Variants in CNTNAP2 observed in about 807,000 individuals in gnomAD.
CNTNAP2 encodes the protein contactin-associated protein-like 2.
CNTNAP2 carries 98 observed loss-of-function variants against 155.2 expected under a neutral mutation model. The ratio of observed to expected loss-of-function variants is 0.63; its 90% CI spans 0.54 to 0.75. The LOEUF (loss-of-function observed/expected upper bound fraction) is 0.75. CNTNAP2 is among the 30% of genes least tolerant of loss of function. CNTNAP2 has a pLI of 0.00. For synonymous variants in CNTNAP2, 651 were observed against 631.2 expected (o/e 1.03, Z -0.47); for missense variants, 1,727 against 1,688.1 (o/e 1.02, Z -0.40).
chr7:147,979,573 T>C (rs1801486833), intron 15 of CNTNAP2, among the ~76,000 whole-genome samples: 1 of 152,200 alleles, frequency 6.6e-6, no homozygotes, highest in South Asian at 2.1e-4. Flanking sequence ...ACTTAATATA[T>C]TTATAAAAAT....
At chr7:147,159,156 T>C (rs192078876) in intron 8 of CNTNAP2, among the ~76,000 whole-genome samples, 10 of 152,152 alleles carry the variant, frequency 6.6e-5, no homozygotes, top group East Asian at 3.9e-4. Context: ...TTCTGAAGCA[T>C]GTGGGCCATA....
intron 1 of CNTNAP2, among the ~76,000 whole-genome samples, chr7:146,478,216 AT>A (rs1011759834): frequency 1.3e-5 from 2 of 152,146 alleles, no homozygotes; most frequent in Non-Finnish European, 2.9e-5. Flanking sequence ...TACAGAATAA[AT>A]CAAAAGAAAG....
In CNTNAP2 at chr7:146,972,447, G is replaced by T. The variant is rs916622321; in HGVS notation, c.403-71460G>T. ...TTATTTTAATGAATACAATTTTCAA[G>T]TATGTTATATGTACAGAATGGAATA... is the stretch of plus-strand genomic sequence containing the variant. On this transcript the variant is annotated intron_variant, in intron 3 of 23. Coordinates refer to ENST00000361727, the MANE Select transcript of CNTNAP2 (RefSeq NM_014141.6). 4.6e-5 allele frequency among the ~76,000 whole-genome samples: 7 copies of T among 152,012 alleles called. No homozygotes were observed. The East Asian group carries it at 1.3e-3, about 29-fold the overall frequency.
intron 18 of CNTNAP2, among the ~76,000 whole-genome samples, chr7:148,203,641 A>G (rs1366532048): frequency 6.6e-6 from 1 of 152,178 alleles, no homozygotes; most frequent in African/African-American, 2.4e-5. Context: ...GCTTCTCAGG[A>G]GGCTGAAGCA....
chr7:147,604,604 T>G (rs1177067921), intron 12 of CNTNAP2, among the ~76,000 whole-genome samples: 6 of 152,218 alleles, frequency 3.9e-5, no homozygotes, highest in Admixed American at 3.9e-4. Context: ...GCTCTTCATT[T>G]GGAATAGGAA....
At chr7:146,915,812 C>G (rs1796381767) in intron 3 of CNTNAP2, 1 of 152,062 alleles carries the variant, frequency 6.6e-6, no homozygotes, top group African/African-American at 2.4e-5. Flanking sequence ...CACTTTATTT[C>G]TTTCTCTCGT....
chr7:147,914,501 C>T (rs375775162), intron 14 of CNTNAP2, among the ~76,000 whole-genome samples: 3 of 149,596 alleles, frequency 2.0e-5, no homozygotes, highest in African/African-American at 7.4e-5. Context: ...GATCGCATCA[C>T]TGCATTCCAG....
At chr7:147,561,127 C>T (rs1016576013) in intron 11 of CNTNAP2, among the ~76,000 whole-genome samples, 3 of 151,944 alleles carry the variant, frequency 2.0e-5, no homozygotes, top group Non-Finnish European at 2.9e-5. Flanking sequence ...AATTCTAGGA[C>T]CATGCAATTA....
At chr7:147,268,998 G>C (rs967309019) in intron 8 of CNTNAP2, among the ~76,000 whole-genome samples, 1 of 152,068 alleles carries the variant, frequency 6.6e-6, no homozygotes, top group African/African-American at 2.4e-5. Context: ...TTGGATGCTC[G>C]AGTCTCTAAT....
intron 9 of CNTNAP2, among the ~76,000 whole-genome samples, chr7:147,357,088 A>G (rs902537962): frequency 2.0e-4 from 30 of 152,060 alleles, no homozygotes; most frequent in Non-Finnish European, 1.0e-4. Flanking sequence ...CTTGTAAGTT[A>G]TTTATGTGGA....
chr7:148,292,331 C>T (rs575451573), intron 21 of CNTNAP2, among the ~76,000 whole-genome samples: 1 of 152,236 alleles, frequency 6.6e-6, no homozygotes, highest in Admixed American at 6.5e-5. Context: ...TAAGCCAGTT[C>T]AGATATTCAG....
chr7:147,622,805 G>A (rs1794890437), intron 12 of CNTNAP2, among the ~76,000 whole-genome samples: 1 of 151,548 alleles, frequency 6.6e-6, no homozygotes, highest in African/African-American at 2.4e-5. Flanking sequence ...TAAAATTGAA[G>A]AAAACAATAC....
chr7:146,366,932 T>G lies in CNTNAP2; in HGVS notation c.97+249959T>G, dbSNP rs377236726. Among the ~76,000 whole-genome samples, 16 of 152,260 alleles carry G rather than the reference T, an allele frequency of 1.1e-4. No homozygotes were observed. In the East Asian group the frequency reaches 2.3e-3, roughly 22 times the overall value. On this transcript the variant is annotated intron_variant, in intron 1 of 23. Transcript: ENST00000361727. ...ACCTCAACATTTTGTCAGGTCAAAT[T>G]ATGAAACAGAATCTTACATAAGTTT...
At position 146,450,080 on chromosome 7, in the gene CNTNAP2, CTACGTTG is replaced by C. The variant is rs1374253447; in HGVS notation, c.98-324187_98-324181del. ...TGCAAGTTATTTACCAACACTGTTT[CTACGTTG>C]TACCTTTTCTAAAAAGCTTTTCTTT... is the stretch of plus-strand genomic sequence containing the variant. On this transcript the variant is annotated intron_variant, in intron 1 of 23. Coordinates refer to ENST00000361727, the MANE Select transcript of CNTNAP2 (RefSeq NM_014141.6). Among the ~76,000 whole-genome samples the C allele has an allele frequency of 3.3e-5, 5 of 152,254 alleles. No homozygotes were observed. The South Asian group carries it at 6.2e-4, about 19-fold the overall frequency.
At chr7:147,353,096 G>T (rs3050792) in intron 9 of CNTNAP2, among the ~76,000 whole-genome samples, 33,945 of 102,700 alleles carry the variant, frequency 0.33, 4,848 homozygotes, top group African/African-American at 0.51. Context: ...TATATATATA[G>T]ACACACACAC....
intron 1 of CNTNAP2, among the ~76,000 whole-genome samples, chr7:146,217,273 T>G (rs967585731): frequency 6.6e-6 from 1 of 152,248 alleles, no homozygotes; most frequent in Non-Finnish European, 1.5e-5. Flanking sequence ...GCTGAACATA[T>G]GTACTGTTTC....
At chr7:146,856,842 A>G (rs1341981572) in intron 3 of CNTNAP2, among the ~76,000 whole-genome samples, 1 of 152,138 alleles carries the variant, frequency 6.6e-6, no homozygotes, top group East Asian at 1.9e-4. Flanking sequence ...GATAAAGGAG[A>G]ATACATTGTC....
At chr7:146,433,910 A>G (rs1436735993) in intron 1 of CNTNAP2, among the ~76,000 whole-genome samples, 2 of 152,158 alleles carry the variant, frequency 1.3e-5, no homozygotes, top group East Asian at 1.9e-4. Context: ...CCACCTTTCA[A>G]AAGTCCTTCT....
intron 8 of CNTNAP2, among the ~76,000 whole-genome samples, chr7:147,150,373 G>C (rs1236676155): frequency 6.6e-6 from 1 of 152,120 alleles, no homozygotes; most frequent in African/African-American, 2.4e-5. Flanking sequence ...ACAGGAGCAC[G>C]TCTTAAGAAC....
Sources: allele counts gnomAD v4.1 joint callset (sites outside exome capture counted in the v4.1 genomes callset), GRCh38; gene constraint gnomAD v4.1.1; transcripts MANE v1.5; gene names NCBI Gene and HGNC (gene_info 2026-07-23, HGNC 2026-07-21).